GALNT7: variants seen among roughly 807,000 people sequenced by gnomAD.
GALNT7 encodes the protein N-acetylgalactosaminyltransferase 7.
A neutral mutation model predicts 82.1 loss-of-function variants in GALNT7; 60 were observed. The ratio of observed to expected loss-of-function variants is 0.73; its 90% CI spans 0.59 to 0.91. GALNT7 has a LOEUF of 0.91. GALNT7 is among the 40% of genes least tolerant of loss of function. GALNT7 has a pLI of 0.00. For missense variants in GALNT7, 660 were observed against 804.2 expected (o/e 0.82, Z 2.17); for synonymous variants, 243 against 275.1 (o/e 0.88, Z 1.15).
At chr4:173,191,222 T>C (rs1732617452) in intron 1 of GALNT7, among the ~76,000 whole-genome samples, 1 of 148,400 alleles carries the variant, frequency 6.7e-6, no homozygotes. Flanking sequence ...TCTCTGGGGA[T>C]GGGATGGGGG....
chr4:173,315,810 A>G (rs1451839027), intron 9 of GALNT7: 1 of 152,226 alleles, frequency 6.6e-6, no homozygotes, highest in Admixed American at 6.5e-5. Flanking sequence ...TGTAACAGGC[A>G]TTTCAAACTC....
chr4:173,169,823 C>G (rs1016086330), intron 1 of GALNT7, among the ~76,000 whole-genome samples: 2 of 152,062 alleles, frequency 1.3e-5, no homozygotes, highest in Non-Finnish European at 2.9e-5. Context: ...TGCGGCAGGG[C>G]TGCTTGGGCC....
chr4:173,294,689 A>G (rs766408179), intron 3 of GALNT7, among the ~76,000 whole-genome samples: 2 of 152,214 alleles, frequency 1.3e-5, no homozygotes, highest in Admixed American at 6.5e-5. Context: ...TTCTCTTGTA[A>G]TGGGAAGCCA....
At chr4:173,263,753 C>T (rs1303952939) in intron 2 of GALNT7, among the ~76,000 whole-genome samples, 1 of 152,124 alleles carries the variant, frequency 6.6e-6, no homozygotes. Context: ...ATTATAATAT[C>T]AGTATTTTGT....
rs1316949515 is a variant in GALNT7 at position 173,302,949 on chromosome 4, C to G, written c.1266+785C>G. ...CAGGCGCTCATGCCTATAAACCCAT[C>G]ACTTTGGGAGGCCAACATGGGCGGA... On this transcript the variant is annotated intron_variant, in intron 7 of 11. Coordinates refer to ENST00000265000, the MANE Select transcript of GALNT7 (RefSeq NM_017423.3). This position sits in a 1 kb window ranked among gnomAD's most constrained non-coding sequence, Gnocchi z 4.2. 6.6e-6 allele frequency among the ~76,000 whole-genome samples: 1 copy of G among 152,238 alleles called. No homozygotes were observed. Among genetic ancestry groups the G allele is most frequent in the African/African-American group, 2.4e-5 (1 of 41,454 alleles).
intron 8 of GALNT7, among the ~76,000 whole-genome samples, chr4:173,312,445 A>G (rs1015453617): frequency 6.6e-6 from 1 of 152,168 alleles, no homozygotes; most frequent in Non-Finnish European, 1.5e-5. Flanking sequence ...TCTTTAACAA[A>G]CTACTCTTGT....
chr4:173,225,789 C>G (rs1026210900), intron 1 of GALNT7, among the ~76,000 whole-genome samples: 1 of 152,152 alleles, frequency 6.6e-6, no homozygotes, highest in African/African-American at 2.4e-5. Context: ...GTTAGAGATA[C>G]CTGACAGATC....
intron 6 of GALNT7, among the ~76,000 whole-genome samples, chr4:173,301,756 T>C (rs1244121448): frequency 6.6e-6 from 1 of 152,214 alleles, no homozygotes; most frequent in Non-Finnish European, 1.5e-5. Flanking sequence ...AAACTAAGGC[T>C]TAATTTTTAA....
chr4:173,303,973 CACA>C lies in GALNT7; in HGVS notation c.1267-20_1267-18del, dbSNP rs1737052709. On this transcript the variant is annotated intron_variant, in intron 7 of 11. Coordinates refer to ENST00000265000, the MANE Select transcript of GALNT7 (RefSeq NM_017423.3). ...TTATGTTTGTATTTGAAACAACTTT[CACA>C]ACGTGTTTTTCCTTCATAGATATGG... 1 of 1,585,978 alleles carries C rather than the reference CACA, an allele frequency of 6.3e-7. No individual in the cohort carries two copies. Among genetic ancestry groups the C allele is most frequent in the African/African-American group, 1.4e-5 (1 of 73,448 alleles).
intron 2 of GALNT7, among the ~76,000 whole-genome samples, chr4:173,284,976 T>C (rs1248348413): frequency 4.6e-5 from 7 of 152,200 alleles, no homozygotes; most frequent in Non-Finnish European, 2.9e-5. Flanking sequence ...GAAAACCTTG[T>C]TGTGCTTTTA....
intron 2 of GALNT7, among the ~76,000 whole-genome samples, chr4:173,267,339 C>T (rs569442240): frequency 3.9e-5 from 6 of 152,216 alleles, no homozygotes; most frequent in East Asian, 3.9e-4. Flanking sequence ...GCCCCTGAAA[C>T]GCGTACCTGA....
At chr4:173,321,052 C>T (rs565118024) in intron 11 of GALNT7, among the ~76,000 whole-genome samples, 1 of 152,252 alleles carries the variant, frequency 6.6e-6, no homozygotes, top group South Asian at 2.1e-4. Flanking sequence ...TTCGGCCTTA[C>T]AGACCCAATC....
intron 2 of GALNT7, among the ~76,000 whole-genome samples, chr4:173,282,689 T>C (rs1736156466): frequency 6.6e-6 from 1 of 152,184 alleles, no homozygotes; most frequent in African/African-American, 2.4e-5. Context: ...TCCATTTACT[T>C]TACCATTTGG....
chr4:173,178,814 G>A (rs939146221), intron 1 of GALNT7, among the ~76,000 whole-genome samples: 1 of 152,212 alleles, frequency 6.6e-6, no homozygotes, highest in African/African-American at 2.4e-5. Context: ...CTGCGAATAG[G>A]CTTCTAAGCA....
chr4:173,236,017 A>T (rs996116431), intron 1 of GALNT7, among the ~76,000 whole-genome samples: 1 of 152,202 alleles, frequency 6.6e-6, no homozygotes, highest in African/African-American at 2.4e-5. Flanking sequence ...GTAACCTGGT[A>T]CATAGTAGGT....
At chr4:173,264,326 A>G (rs1471964154) in intron 2 of GALNT7, among the ~76,000 whole-genome samples, 1 of 152,202 alleles carries the variant, frequency 6.6e-6, no homozygotes, top group Non-Finnish European at 1.5e-5. Context: ...GACAAAGCCA[A>G]CCTTGCAAGA....
intron 1 of GALNT7, among the ~76,000 whole-genome samples, chr4:173,224,878 G>A (rs925918541): frequency 3.9e-5 from 6 of 151,940 alleles, no homozygotes; most frequent in Admixed American, 3.3e-4. Context: ...AGCCAGGCGT[G>A]GTGGCGCGCG....
intron 2 of GALNT7, 59 bp downstream of exon 2, chr4:173,248,499 A>C (rs1228933088): frequency 9.9e-7 from 1 of 1,014,070 alleles, no homozygotes; most frequent in East Asian, 2.4e-5. Context: ...ATAGGTTTTT[A>C]GGTTTAGTTA....
At chr4:173,209,994 G>A (rs1227961961) in intron 1 of GALNT7, among the ~76,000 whole-genome samples, 2 of 152,130 alleles carry the variant, frequency 1.3e-5, no homozygotes, top group Admixed American at 6.5e-5. Flanking sequence ...TTAGCTGGGG[G>A]TAGAGGTGCG....
Sources: allele counts gnomAD v4.1 joint callset (sites outside exome capture counted in the v4.1 genomes callset), GRCh38; gene constraint gnomAD v4.1.1; non-coding constraint Gnocchi (gnomAD v3.1); transcripts MANE v1.5; gene names NCBI Gene and HGNC (gene_info 2026-07-23, HGNC 2026-07-21).